The following DNER variants were observed in gnomAD, a reference collection of about 807,000 sequenced individuals.
DNER encodes delta/notch like EGF repeat containing.
Under a neutral mutation model 78.2 loss-of-function variants are expected in DNER, and 33 were observed. The ratio of observed to expected loss-of-function variants is 0.42; its 90% CI spans 0.32 to 0.56. DNER has a LOEUF of 0.56. Ranked by LOEUF, DNER falls within the 20% of genes least tolerant of loss-of-function variation. The pLI is 0.11. For synonymous variants in DNER, 417 were observed against 384.8 expected, an observed-to-expected ratio of 1.08 and a Z score of -0.98; for missense variants, 918 against 975.3, an observed-to-expected ratio of 0.94 and a Z score of 0.78.
At chr2:229,708,267 C>A (rs1393421063) in intron 1 of DNER, among the ~76,000 whole-genome samples, 1 of 152,172 alleles carries the variant, frequency 6.6e-6, no homozygotes, top group East Asian at 1.9e-4. Flanking sequence ...CTTCTCAACC[C>A]TAGTCATACA....
intron 6 of DNER, among the ~76,000 whole-genome samples, chr2:229,477,741 GTTA>G (rs1211334862): frequency 6.6e-6 from 1 of 152,166 alleles, no homozygotes; most frequent in Admixed American, 6.5e-5. Flanking sequence ...ACCCACCTGT[GTTA>G]ATTCTGTGAC....
chr2:229,447,215 T>C, intron 8 of DNER, 101 bp downstream of exon 8: 2 of 1,226,082 alleles, frequency 1.6e-6, no homozygotes, highest in South Asian at 3.1e-5. Context: ...ATACCACTTT[T>C]ATTTACAAGT....
intron 1 of DNER, among the ~76,000 whole-genome samples, chr2:229,684,207 TG>T (rs1407721869): frequency 4.0e-5 from 6 of 148,636 alleles, no homozygotes; most frequent in Middle Eastern, 3.4e-3. Flanking sequence ...TGTGTGTGTG[TG>T]TGTTGGGGCT....
At chr2:229,672,390 A>G (rs1036578736) in intron 1 of DNER, among the ~76,000 whole-genome samples, 17 of 151,000 alleles carry the variant, frequency 1.1e-4, no homozygotes, top group African/African-American at 3.7e-4. Context: ...GCATGGAGAG[A>G]GAGGAGGTGA....
chr2:229,497,971 A>G (rs929926700), intron 6 of DNER, among the ~76,000 whole-genome samples: 2 of 134,084 alleles, frequency 1.5e-5, no homozygotes, highest in East Asian at 2.1e-4. Context: ...CCAGACAAGG[A>G]CACTATGACA....
chr2:229,620,615 T>C (rs963791214), intron 1 of DNER, among the ~76,000 whole-genome samples: 4 of 152,042 alleles, frequency 2.6e-5, no homozygotes, highest in African/African-American at 9.7e-5. Context: ...CCTGATAGAG[T>C]TCCCTGCAAA....
At chr2:229,658,320 G>A (rs1027040660) in intron 1 of DNER, among the ~76,000 whole-genome samples, 2 of 152,114 alleles carry the variant, frequency 1.3e-5, no homozygotes, top group Non-Finnish European at 2.9e-5. Flanking sequence ...CTTCCAACTG[G>A]CATTGCTGGT....
At chr2:229,651,922 T>C (rs968554719) in intron 1 of DNER, among the ~76,000 whole-genome samples, 1 of 152,020 alleles carries the variant, frequency 6.6e-6, no homozygotes, top group Non-Finnish European at 1.5e-5. Flanking sequence ...ATGGGGGCAA[T>C]TAAACAAGGC....
At chr2:229,588,540 C>T (rs1697543808) in intron 2 of DNER, 52 bp from the exon 3 acceptor site, 3 of 1,535,528 alleles carry the variant, frequency 2.0e-6, no homozygotes, top group African/African-American at 1.4e-5. Context: ...TATAGTATAA[C>T]ATAATGTGAT....
At chr2:229,678,165 T>C (rs1386551770) in intron 1 of DNER, among the ~76,000 whole-genome samples, 1 of 152,196 alleles carries the variant, frequency 6.6e-6, no homozygotes, top group Non-Finnish European at 1.5e-5. Context: ...TTGAAGCACG[T>C]GTCTTCCAGG....
intron 7 of DNER, among the ~76,000 whole-genome samples, chr2:229,458,135 CAAA>C (rs61340733): frequency 0.056 from 983 of 17,536 alleles, 3 homozygotes; most frequent in Admixed American, 0.066. Flanking sequence ...GACTCTATCT[CAAA>C]AAAAAAAAAA....
intron 6 of DNER, among the ~76,000 whole-genome samples, chr2:229,508,986 A>G (rs1405896403): frequency 6.6e-6 from 1 of 152,202 alleles, no homozygotes; most frequent in Non-Finnish European, 1.5e-5. Context: ...ATCTCTGGAG[A>G]GAAAGGAGAG....
chr2:229,642,965 T>G (rs961529699), intron 1 of DNER, among the ~76,000 whole-genome samples: 16 of 152,310 alleles, frequency 1.1e-4, no homozygotes, highest in Admixed American at 1.0e-3. Context: ...GGCTCATGAC[T>G]GCAGGCCCAG....
At chr2:229,387,863 C>CTGTG (rs34029070) in intron 11 of DNER, among the ~76,000 whole-genome samples, 8,290 of 120,582 alleles carry the variant, frequency 0.069, 252 homozygotes, top group Middle Eastern at 0.1. Flanking sequence ...AATTTGCATT[C>CTGTG]TGTGTGTGTG....
At chr2:229,526,352 T>A (rs1415662450) in intron 5 of DNER, among the ~76,000 whole-genome samples, 1 of 152,210 alleles carries the variant, frequency 6.6e-6, no homozygotes, top group African/African-American at 2.4e-5. Flanking sequence ...ACTATTATGA[T>A]GCTTGTAGTT....
rs747487250 is a variant in DNER at position 229,366,865 on chromosome 2, C to T, written c.2102+8G>A. Reference sequence around the variant, plus strand: ...GGCAGCATTCCCCACGCCGCCCCCACAGCCAACCTGGCATGCCGGATGGAT... The same window carrying T: ...GGCAGCATTCCCCACGCCGCCCCCATAGCCAACCTGGCATGCCGGATGGAT... On this transcript the variant is annotated splice_region_variant and intron_variant, in intron 12 of 12. Transcript: ENST00000341772. 6.2e-7 allele frequency: 1 copy of T among 1,613,982 alleles called. No homozygotes were observed. The highest frequency in any genetic ancestry group is 8.5e-7 in the Non-Finnish European group (1 of 1,179,962).
intron 4 of DNER, among the ~76,000 whole-genome samples, chr2:229,554,921 A>AAAAAG (rs1696826091): frequency 3.1e-5 from 2 of 64,070 alleles, no homozygotes; most frequent in Non-Finnish European, 6.2e-5. Context: ...AGAAGAGAAG[A>AAAAAG]GAAGAGAAGA....
chr2:229,408,502 A>G (rs752185048), intron 9 of DNER, among the ~76,000 whole-genome samples: 2 of 152,132 alleles, frequency 1.3e-5, no homozygotes, highest in Non-Finnish European at 2.9e-5. Context: ...GAACGTACAT[A>G]ATGATATGCC....
chr2:229,633,810 C>T (rs1376471837), intron 1 of DNER, among the ~76,000 whole-genome samples: 1 of 152,210 alleles, frequency 6.6e-6, no homozygotes, highest in East Asian at 1.9e-4. Flanking sequence ...GAGAGGTGCG[C>T]TCCAGCCAGA....
Sources: gnomAD v4.1 joint callset for allele counts (sites outside exome capture counted in the v4.1 genomes callset) on GRCh38, gnomAD v4.1.1 for gene constraint, MANE v1.5 for transcripts, NCBI Gene and HGNC (gene_info 2026-07-23, HGNC 2026-07-21) for gene names.